The following COL8A2 variants were observed in gnomAD, a reference collection of about 807,000 sequenced individuals.
COL8A2 encodes the protein collagen type VIII alpha 2 chain, also known as collagen alpha-2(VIII) chain.
COL8A2 carries 16 observed loss-of-function variants against 24.0 expected under a neutral mutation model. That is an observed-to-expected ratio of 0.67 (90% confidence interval 0.45 to 1.01). The LOEUF (loss-of-function observed/expected upper bound fraction) is 1.01. COL8A2 is among the 50% of genes least tolerant of loss of function. The probability of loss-of-function intolerance (pLI) is 0.00; values close to 1 mark genes in which losing one functional copy is unlikely to be tolerated. For synonymous variants in COL8A2, 466 were observed against 424.5 expected, an observed-to-expected ratio of 1.10 and a Z score of -1.20; for missense variants, 818 against 942.4, an observed-to-expected ratio of 0.87 and a Z score of 1.73.
At chr1:36,112,040 G>T (rs1266945605) in intron 2 of COL8A2, among the ~76,000 whole-genome samples, 1 of 152,140 alleles carries the variant, frequency 6.6e-6, no homozygotes, top group East Asian at 1.9e-4. Flanking sequence ...GTCTCGCTCT[G>T]TTGCCCAGGC....
intron 1 of COL8A2, among the ~76,000 whole-genome samples, chr1:36,116,688 G>A (rs753885684): frequency 2.0e-5 from 3 of 152,200 alleles, no homozygotes; most frequent in African/African-American, 4.8e-5. Flanking sequence ...AGGATGAGTC[G>A]GAGTCTGAAA....
chr1:36,099,587 G>A, intron 3 of COL8A2, 100 bp from the exon 4 acceptor site: 1 of 901,212 alleles, frequency 1.1e-6, no homozygotes, highest in East Asian at 2.6e-5. Context: ...ACACGGGAGA[G>A]GAAGAATGGG....
In COL8A2 at chr1:36,095,355, T is replaced by C. The variant is rs1304123887; in HGVS notation, c.*2214A>G. On this transcript the variant is annotated 3_prime_UTR_variant, in exon 4 of 4. Transcript: ENST00000397799. ...CCAAGTGCATTTTTCCTGAATCTTC[T>C]GTGATACAGGGCACATGATAGGTAT... is the stretch of plus-strand genomic sequence containing the variant. The C allele has an allele frequency of 2.0e-5, 3 of 152,226 alleles. No homozygotes were observed. The highest frequency in any genetic ancestry group is 7.2e-5 in the African/African-American group (3 of 41,462). The allele number at this position is 152,226 out of a possible 1,614,324, so 9.4% of individuals were successfully genotyped here.
At chr1:36,113,315 T>C (rs1643864009) in intron 2 of COL8A2, among the ~76,000 whole-genome samples, 2 of 152,214 alleles carry the variant, frequency 1.3e-5, no homozygotes, top group South Asian at 4.1e-4. Flanking sequence ...ATCCCACCTA[T>C]CCACCCATCT....
chr1:36,099,566 C>T (rs1238401572), intron 3 of COL8A2, 79 bp from the exon 4 acceptor site: 5 of 1,046,980 alleles, frequency 4.8e-6, no homozygotes, highest in Non-Finnish European at 7.1e-6. Flanking sequence ...TCCCCCATTC[C>T]AGTATGAGGT....
intron 2 of COL8A2, among the ~76,000 whole-genome samples, chr1:36,105,238 A>T (rs145926461): frequency 6.6e-6 from 1 of 152,020 alleles, no homozygotes; most frequent in Non-Finnish European, 1.5e-5. Context: ...CCACCAACCC[A>T]CTCTGTAACC....
At position 36,098,706 on chromosome 1, in the gene COL8A2, C is replaced by G; in HGVS notation, c.975G>C (p.Gly325=). 6.2e-7 allele frequency: 1 copy of G among 1,609,180 alleles called. No homozygotes were observed. Among genetic ancestry groups the G allele is most frequent in the Non-Finnish European group, 8.5e-7 (1 of 1,178,382 alleles). ...CTGGGACCCCAGCTGGGCCCCTGTCCCCCTTGGGGCCTGGCAGTCCTGGCA... is the reference window on the plus strand; with the variant it reads ...CTGGGACCCCAGCTGGGCCCCTGTCGCCCTTGGGGCCTGGCAGTCCTGGCA... ...YGMPGLPGPK[G]DRGPAGVPGL... Residue 325 remains glycine, a synonymous_variant, in exon 4 of 4, where the codon GGG becomes GGC. Coordinates refer to ENST00000397799, the MANE Select transcript of COL8A2 (RefSeq NM_005202.4).
intron 2 of COL8A2, among the ~76,000 whole-genome samples, chr1:36,107,985 C>T (rs1046319726): frequency 2.1e-4 from 32 of 152,204 alleles, no homozygotes; most frequent in African/African-American, 7.0e-4. Flanking sequence ...CTTTCCACCA[C>T]GCTCCCCCAC....
intron 1 of COL8A2, 122 bp downstream of exon 1, chr1:36,124,935 C>T: frequency 1.2e-5 from 3 of 245,664 alleles, no homozygotes; most frequent in Non-Finnish European, 2.0e-5. Context: ...CCCACCGCGT[C>T]CCCACCCCGG....
chr1:36,115,364 T>C lies in COL8A2; in HGVS notation c.-17+344A>G, dbSNP rs966601457. On this transcript the variant is annotated intron_variant, in intron 2 of 3. Coordinates refer to ENST00000397799, the MANE Select transcript of COL8A2 (RefSeq NM_005202.4). The surrounding 1 kb of genome is among the most constrained non-coding windows in gnomAD (Gnocchi z 5.7). ...GGGCCTCTGCGGCTACCCTGCGTGG[T>C]GGCGGCAGCAGCGGCAGCAGGAGGG... Among the ~76,000 whole-genome samples, 6 of 151,604 alleles carry C rather than the reference T, an allele frequency of 4.0e-5. No homozygotes were observed. The highest frequency in any genetic ancestry group is 7.4e-5 in the Non-Finnish European group (5 of 67,882).
chr1:36,107,490 G>A (rs1332377779), intron 2 of COL8A2, among the ~76,000 whole-genome samples: 1 of 152,130 alleles, frequency 6.6e-6, no homozygotes, highest in Non-Finnish European at 1.5e-5. Context: ...AGCAGAGACA[G>A]ACGCAAACAG....
chr1:36,109,417 C>A (rs1643807513), intron 2 of COL8A2, among the ~76,000 whole-genome samples: 1 of 152,088 alleles, frequency 6.6e-6, no homozygotes, highest in African/African-American at 2.4e-5. Flanking sequence ...ATCCCTGAGA[C>A]CTCTAAGGCC....
At position 36,099,416 on chromosome 1, in the gene COL8A2, C is replaced by T; in HGVS notation, c.265G>A (p.Gly89Ser). Residue 89 changes from glycine (G) to serine (S), a missense_variant, in exon 4 of 4, where the codon GGT becomes AGT. Transcript: ENST00000397799. ...GGGAAGCCAGGGGGGCCAGGGGGACCCCGAGGCCCGGGCTTCCCAGGGGGG... is the reference window on the plus strand; with the variant it reads ...GGGAAGCCAGGGGGGCCAGGGGGACTCCGAGGCCCGGGCTTCCCAGGGGGG... ...PGPPGKPGPR[G>S]PPGPPGFPGK... The T allele has an allele frequency of 6.4e-7, 1 of 1,551,956 alleles. No homozygotes were observed. Among genetic ancestry groups the T allele is most frequent in the East Asian group, 2.4e-5 (1 of 42,388 alleles).
chr1:36,123,106 C>T lies in COL8A2; in HGVS notation c.-62+1951G>A, dbSNP rs950852328. On this transcript the variant is annotated intron_variant, in intron 1 of 3. Coordinates refer to ENST00000397799, the MANE Select transcript of COL8A2 (RefSeq NM_005202.4). This position sits in a 1 kb window ranked among gnomAD's most constrained non-coding sequence, Gnocchi z 4.1. ...CTTTGGCTTGCATGGTGCCCCTCCT[C>T]GGGTACCTAGTAGGGCACCGTGAGA... Among the ~76,000 whole-genome samples, 2 of 152,214 alleles carry T rather than the reference C, an allele frequency of 1.3e-5. No homozygotes were observed. Among genetic ancestry groups the T allele is most frequent in the Non-Finnish European group, 1.5e-5 (1 of 68,040 alleles).
rs1225915647 is a variant in COL8A2 at position 36,099,332 on chromosome 1, G to A, written c.349C>T (p.Pro117Ser). 2.5e-5 allele frequency: 39 copies of A among 1,583,158 alleles called. No homozygotes were observed. The Admixed American group carries it at 7.0e-4, about 28-fold the overall frequency. Residue 117 changes from proline (P) to serine (S), a missense_variant, in exon 4 of 4, where the codon CCT (proline) becomes TCT (serine). By Grantham distance (74) the Pro-to-Ser change is moderately conservative (BLOSUM62 -1). This residue lies in a region of COL8A2 where 573 missense variants were observed against 616.8 expected (regional missense o/e 0.93). Coordinates refer to ENST00000397799, the MANE Select transcript of COL8A2 (RefSeq NM_005202.4). ...LHGQPGPAGP[P>S]GFSRMGKAGP... The stretch of plus-strand genomic sequence containing the variant: ...GCCTTGCCCATCCGGGAGAAGCCAG[G>A]GGGCCCAGCAGGGCCAGGCTGCCCA...
intron 2 of COL8A2, among the ~76,000 whole-genome samples, chr1:36,103,929 C>T (rs1298986887): frequency 1.3e-5 from 2 of 151,978 alleles, no homozygotes; most frequent in East Asian, 2.0e-4. Context: ...CACCGTGGCT[C>T]ATGCCTGTAA....
rs1553178118 is a variant in COL8A2, at chr1:36,105,966, A to AAG, written c.-16-5710_-16-5709dup. On this transcript the variant is annotated intron_variant, in intron 2 of 3. Transcript: ENST00000397799. ...TGTCTCACTTAAAAAAAAAAAAAAA[A>AAG]AGAGAGAGAGAGAGATAAGGAGGAG... 5.8e-5 allele frequency among the ~76,000 whole-genome samples: 8 copies of AAG among 137,584 alleles called. No homozygotes were observed. The East Asian group carries it at 6.8e-4, about 12-fold the overall frequency. 90.3% of individuals were successfully genotyped at this position (137,584 alleles called of 152,430 possible).
intron 2 of COL8A2, among the ~76,000 whole-genome samples, chr1:36,111,845 G>A (rs1643844761): frequency 6.6e-6 from 1 of 152,096 alleles, no homozygotes; most frequent in Non-Finnish European, 1.5e-5. Flanking sequence ...TCAACTATCA[G>A]CCGAGCATGT....
intron 2 of COL8A2, among the ~76,000 whole-genome samples, chr1:36,105,950 T>TAAAAA: frequency 7.8e-6 from 1 of 128,126 alleles, no homozygotes. Context: ...CTGTCTCACT[T>TAAAAA]AAAAAAAAAA....
Sources: gnomAD v4.1 joint callset for allele counts (sites outside exome capture counted in the v4.1 genomes callset) on GRCh38, gnomAD v4.1.1 for gene constraint, gnomAD v4.1.1 regional missense constraint, Gnocchi (gnomAD v3.1) non-coding constraint, MANE v1.5 for transcripts, NCBI Gene and HGNC (gene_info 2026-07-23, HGNC 2026-07-21) for gene names.